The following WDR72 variants were observed in gnomAD, a reference collection of about 807,000 sequenced individuals.
WDR72 encodes the protein WD repeat-containing protein 72.
Under a neutral mutation model 124.2 loss-of-function variants are expected in WDR72, and 120 were observed. The ratio of observed to expected loss-of-function variants is 0.97; its 90% CI spans 0.83 to 1.12. The LOEUF (loss-of-function observed/expected upper bound fraction) is 1.12. WDR72 is among the 50% of genes most tolerant of loss of function. The probability of loss-of-function intolerance (pLI) is 0.00; values close to 1 mark genes in which losing one functional copy is unlikely to be tolerated. For synonymous variants in WDR72, 452 were observed against 441.7 expected (o/e 1.02, Z -0.29); for missense variants, 1,387 against 1,278.8 (o/e 1.08, Z -1.29).
intron 14 of WDR72, among the ~76,000 whole-genome samples, chr15:53,662,550 T>C (rs779830973): frequency 9.2e-5 from 14 of 152,172 alleles, no homozygotes; most frequent in Non-Finnish European, 1.8e-4. Context: ...AATCCTGAAA[T>C]ACAAAGTAAC....
chr15:53,683,723 GAGAA>G (rs1421566695), intron 13 of WDR72, among the ~76,000 whole-genome samples: 2 of 148,264 alleles, frequency 1.3e-5, no homozygotes, highest in African/African-American at 4.9e-5. Flanking sequence ...ACAGGAGAGA[GAGAA>G]AGAGGAAGAA....
Position 53,712,805 on chromosome 15 carries a change from T to C in WDR72, c.678A>G (p.Arg226=). 1.9e-6 allele frequency: 3 copies of C among 1,613,342 alleles called. No homozygotes were observed. Among genetic ancestry groups the C allele is most frequent in the Middle Eastern group, 1.7e-4 (1 of 6,056 alleles). ...QTIRFCTYTE[R]LLLVVFSKCW... ...ATTTAGAAAATACCACCAATAGAAG[T>C]CTCTCAGTATATGTGCAAAATCGAA... is the stretch of plus-strand genomic sequence containing the variant. Residue 226 remains arginine, a synonymous_variant, in exon 7 of 20, where the codon AGA becomes AGG. Coordinates refer to ENST00000360509, the MANE Select transcript of WDR72 (RefSeq NM_182758.4).
intron 18 of WDR72, among the ~76,000 whole-genome samples, chr15:53,581,078 C>T: frequency 6.6e-6 from 1 of 152,024 alleles, no homozygotes; most frequent in Non-Finnish European, 1.5e-5. Flanking sequence ...CTTATGCTCT[C>T]AAACAACAGT....
At chr15:53,740,509 C>T (rs1287993512) in intron 1 of WDR72, among the ~76,000 whole-genome samples, 1 of 152,032 alleles carries the variant, frequency 6.6e-6, no homozygotes, top group East Asian at 1.9e-4. Context: ...GGGGTTTCAC[C>T]GTGGTCTCAA....
intron 13 of WDR72, among the ~76,000 whole-genome samples, chr15:53,694,060 G>A (rs2016927015): frequency 6.6e-6 from 1 of 152,106 alleles, no homozygotes; most frequent in Non-Finnish European, 1.5e-5. Flanking sequence ...CAAGCCCCAA[G>A]CTGCTTCTGA....
At chr15:53,751,442 T>C (rs144566253) in intron 1 of WDR72, among the ~76,000 whole-genome samples, 2 of 152,300 alleles carry the variant, frequency 1.3e-5, no homozygotes, top group East Asian at 3.9e-4. Context: ...CATTTGCACT[T>C]TTTAGCAATA....
At chr15:53,726,310 G>C (rs2018035913) in intron 2 of WDR72, among the ~76,000 whole-genome samples, 1 of 108,342 alleles carries the variant, frequency 9.2e-6, no homozygotes, top group Admixed American at 9.9e-5. Flanking sequence ...CTCTAGTGTG[G>C]GATGTTAATG....
intron 1 of WDR72, among the ~76,000 whole-genome samples, chr15:53,748,978 C>T (rs550417465): frequency 4.7e-4 from 71 of 152,266 alleles, no homozygotes; most frequent in African/African-American, 1.7e-3. Context: ...AAGTCACAGA[C>T]CTCAAGGAGC....
At chr15:53,606,877 A>G (rs1184996263) in intron 17 of WDR72, among the ~76,000 whole-genome samples, 1 of 152,168 alleles carries the variant, frequency 6.6e-6, no homozygotes, top group African/African-American at 2.4e-5. Flanking sequence ...TGGGGAAAAA[A>G]TCACATGCAT....
At chr15:53,623,535 C>T (rs934024824) in intron 14 of WDR72, among the ~76,000 whole-genome samples, 4 of 151,880 alleles carry the variant, frequency 2.6e-5, no homozygotes, top group African/African-American at 4.8e-5. Context: ...ATATATATCA[C>T]ACTTTCTCTA....
At chr15:53,650,593 C>T (rs689928) in intron 14 of WDR72, among the ~76,000 whole-genome samples, 1 of 152,092 alleles carries the variant, frequency 6.6e-6, no homozygotes, top group Non-Finnish European at 1.5e-5. Flanking sequence ...TCTTCATATT[C>T]TGGGCTTTTG....
At chr15:53,579,213 AG>A (rs2140315332) in intron 18 of WDR72, among the ~76,000 whole-genome samples, 1 of 152,206 alleles carries the variant, frequency 6.6e-6, no homozygotes, top group African/African-American at 2.4e-5. Context: ...GCATCATTGA[AG>A]GGTTTTAAGT....
At chr15:53,760,940 A>T (rs1477807537), upstream of WDR72, among the ~76,000 whole-genome samples, 1 of 152,166 alleles carries the variant, frequency 6.6e-6, no homozygotes, top group Non-Finnish European at 1.5e-5. Flanking sequence ...CCTGGTCAAC[A>T]TGATGAAAAC....
rs552510077 is a variant in WDR72, at chr15:53,523,340, G to GAA, written c.3149-19_3149-18insTT. 1,395 of 1,608,772 alleles carry GAA rather than the reference G, an allele frequency of 8.7e-4. 26 individuals are homozygous for GAA. In the South Asian group the frequency reaches 0.014, roughly 16 times the overall value. On this transcript the variant is annotated intron_variant, in intron 18 of 19. Transcript: ENST00000360509. ...GACTGGAGCTATTAAAAGAGAGAGA[G>GAA]AGAGAGAGAGAGACAGAAGAGAGAG...
intron 18 of WDR72, among the ~76,000 whole-genome samples, chr15:53,581,388 A>G (rs1315285186): frequency 6.6e-6 from 1 of 152,084 alleles, no homozygotes; most frequent in Non-Finnish European, 1.5e-5. Flanking sequence ...TACTATGTAA[A>G]TTATTGGAAA....
chr15:53,721,477 T>G (rs1023209035), intron 3 of WDR72, among the ~76,000 whole-genome samples: 1 of 152,164 alleles, frequency 6.6e-6, no homozygotes, highest in African/African-American at 2.4e-5. Context: ...GTGGCAGCCC[T>G]GGTGAATGAA....
intron 19 of WDR72, among the ~76,000 whole-genome samples, chr15:53,521,954 C>T (rs897694438): frequency 2.0e-5 from 3 of 151,918 alleles, no homozygotes; most frequent in African/African-American, 7.3e-5. Context: ...GCTATTATGG[C>T]AAGGGGTGGG....
intron 1 of WDR72, among the ~76,000 whole-genome samples, chr15:53,745,712 G>T (rs2018626985): frequency 6.6e-6 from 1 of 152,180 alleles, no homozygotes; most frequent in Admixed American, 6.5e-5. Flanking sequence ...ACTAGGACCT[G>T]TAGGCATAGT....
chr15:53,757,049 A>C (rs2018927910), intron 1 of WDR72, among the ~76,000 whole-genome samples: 1 of 152,166 alleles, frequency 6.6e-6, no homozygotes, highest in Non-Finnish European at 1.5e-5. Context: ...GACCAAAGAT[A>C]TCTCTCTCAT....
Sources: gnomAD v4.1 joint callset for allele counts (sites outside exome capture counted in the v4.1 genomes callset) on GRCh38, gnomAD v4.1.1 for gene constraint, MANE v1.5 for transcripts, NCBI Gene and HGNC (gene_info 2026-07-23, HGNC 2026-07-21) for gene names.